The following ARB2A variants were observed in gnomAD, a reference collection of about 807,000 sequenced individuals.
ARB2A encodes the protein cotranscriptional regulator ARB2A.
At chr5:93,760,261 C>G in the ARB2A span, among the ~76,000 whole-genome samples, 1 of 152,010 alleles carries the variant, frequency 6.6e-6, no homozygotes. Flanking sequence ...TGACAGAAAC[C>G]AATGAAAACA....
chr5:93,852,875 A>C, the ARB2A span, among the ~76,000 whole-genome samples: 2 of 152,216 alleles, frequency 1.3e-5, no homozygotes, highest in South Asian at 4.2e-4. Flanking sequence ...GTATAGTTTG[A>C]AGTCAGGTAG....
At chr5:93,945,428 A>G in the ARB2A span, among the ~76,000 whole-genome samples, 1 of 152,074 alleles carries the variant, frequency 6.6e-6, no homozygotes, top group Admixed American at 6.5e-5. Flanking sequence ...AAAAAAAAAA[A>G]AAAGAAATGT....
At chr5:93,830,690 T>G in the ARB2A span, among the ~76,000 whole-genome samples, 1 of 152,100 alleles carries the variant, frequency 6.6e-6, no homozygotes, top group Non-Finnish European at 1.5e-5. Flanking sequence ...TACAACAGAC[T>G]TTAGTCTCAA....
At chr5:93,785,624 A>G in the ARB2A span, among the ~76,000 whole-genome samples, 1 of 152,098 alleles carries the variant, frequency 6.6e-6, no homozygotes, top group Non-Finnish European at 1.5e-5. Flanking sequence ...GCATATGTAC[A>G]TGCTGTCTCA....
At chr5:93,991,482 G>A in the ARB2A span, among the ~76,000 whole-genome samples, 1 of 151,850 alleles carries the variant, frequency 6.6e-6, no homozygotes, top group Non-Finnish European at 1.5e-5. Flanking sequence ...AGAAGTGATA[G>A]AGATTATGAA....
chr5:93,835,444 AAAGT>A, the ARB2A span, among the ~76,000 whole-genome samples: 1 of 152,248 alleles, frequency 6.6e-6, no homozygotes, highest in Non-Finnish European at 1.5e-5. Context: ...AAAGTTATAA[AAAGT>A]AAGTACTCCT....
chr5:93,906,589 TAA>T, the ARB2A span, among the ~76,000 whole-genome samples: 8 of 151,580 alleles, frequency 5.3e-5, no homozygotes, highest in African/African-American at 1.9e-4. Context: ...TAATTTTGCC[TAA>T]GAGGCAAAAT....
the ARB2A span, among the ~76,000 whole-genome samples, chr5:94,103,680 A>G: frequency 1.3e-5 from 2 of 152,002 alleles, no homozygotes; most frequent in South Asian, 2.1e-4. Context: ...GCCCTAACAG[A>G]TATCTACAGA....
At chr5:93,749,071 A>G in the ARB2A span, among the ~76,000 whole-genome samples, 1 of 151,002 alleles carries the variant, frequency 6.6e-6, no homozygotes, top group African/African-American at 2.4e-5. Flanking sequence ...TTTGTTTGCC[A>G]GTGTCACTTT....
At chr5:93,995,406 C>T in the ARB2A span, among the ~76,000 whole-genome samples, 1 of 152,164 alleles carries the variant, frequency 6.6e-6, no homozygotes, top group Non-Finnish European at 1.5e-5. Context: ...ATTAGTGATG[C>T]TGAAAGTGTT....
At chr5:93,822,278 A>G in the ARB2A span, among the ~76,000 whole-genome samples, 1 of 152,174 alleles carries the variant, frequency 6.6e-6, no homozygotes, top group Non-Finnish European at 1.5e-5. Context: ...TGTGTGCTTT[A>G]TATTAAAGTG....
the ARB2A span, among the ~76,000 whole-genome samples, chr5:93,707,940 C>T: frequency 6.6e-6 from 1 of 152,184 alleles, no homozygotes; most frequent in African/African-American, 2.4e-5. Flanking sequence ...AATCTCTTCT[C>T]TACCCATTTA....
chr5:93,850,135 T>C, the ARB2A span, among the ~76,000 whole-genome samples: 1 of 152,288 alleles, frequency 6.6e-6, no homozygotes, highest in African/African-American at 2.4e-5. Flanking sequence ...CCTACAGTAA[T>C]TTTTATATAA....
At chr5:94,013,618 G>C in the ARB2A span, among the ~76,000 whole-genome samples, 3 of 152,110 alleles carry the variant, frequency 2.0e-5, no homozygotes, top group African/African-American at 7.2e-5. Flanking sequence ...TACAATGAAA[G>C]ATGAAGGGAG....
chr5:93,950,657 T>C, the ARB2A span, among the ~76,000 whole-genome samples: 1 of 145,510 alleles, frequency 6.9e-6, no homozygotes, highest in Non-Finnish European at 1.5e-5. Flanking sequence ...ATAAAACAAA[T>C]AAAATAGGCC....
At chr5:93,895,462 A>G in the ARB2A span, among the ~76,000 whole-genome samples, 8 of 152,098 alleles carry the variant, frequency 5.3e-5, no homozygotes, top group Admixed American at 2.0e-4. Flanking sequence ...ATTTGTATAT[A>G]TTTTCAATTA....
the ARB2A span, among the ~76,000 whole-genome samples, chr5:93,956,935 G>A: frequency 2.0e-5 from 3 of 152,048 alleles, no homozygotes; most frequent in Non-Finnish European, 4.4e-5. Flanking sequence ...TAAGAAATAA[G>A]GAGAATTAAA....
the ARB2A span, chr5:93,737,826 A>G: frequency 2.4e-6 from 1 of 411,098 alleles, no homozygotes; most frequent in Non-Finnish European, 4.7e-6. Flanking sequence ...TACCGTATAC[A>G]AAAATTAACT....
At chr5:93,683,738 G>A in the ARB2A span, 1 of 1,605,706 alleles carries the variant, frequency 6.2e-7, no homozygotes, top group Non-Finnish European at 8.5e-7. Context: ...CACGCACTTA[G>A]GTAGGAGAGA....
Sources: allele counts gnomAD v4.1 joint callset (sites outside exome capture counted in the v4.1 genomes callset), GRCh38; gene constraint gnomAD v4.1.1; transcripts MANE v1.5; gene names NCBI Gene and HGNC (gene_info 2026-07-23, HGNC 2026-07-21).